CDH18: variants seen among roughly 807,000 people sequenced by gnomAD.
CDH18 encodes cadherin-18.
In CDH18, 31 loss-of-function variants were observed where a neutral mutation model predicts 67.9. That is an observed-to-expected ratio of 0.46 (90% CI 0.34 to 0.62). The LOEUF (loss-of-function observed/expected upper bound fraction) is 0.62. CDH18 is among the 20% of genes least tolerant of loss of function. The pLI is 0.01. For synonymous variants in CDH18, 362 were observed against 347.2 expected, an observed-to-expected ratio of 1.04 and a Z score of -0.48; for missense variants, 890 against 975.5, an observed-to-expected ratio of 0.91 and a Z score of 1.17.
intron 1 of CDH18, among the ~76,000 whole-genome samples, chr5:19,982,596 T>C (rs1004958925): frequency 6.6e-6 from 1 of 152,166 alleles, no homozygotes; most frequent in Non-Finnish European, 1.5e-5. Context: ...ACAAGTTGTA[T>C]ATAAGGGAAA....
At chr5:20,301,607 T>C (rs1451016005) in intron 1 of CDH18, among the ~76,000 whole-genome samples, 3 of 152,192 alleles carry the variant, frequency 2.0e-5, no homozygotes, top group South Asian at 2.1e-4. Flanking sequence ...CTTCAAAATG[T>C]ATTGTGCTTG....
At chr5:20,490,315 T>C (rs1046101152) in intron 1 of CDH18, among the ~76,000 whole-genome samples, 7 of 152,034 alleles carry the variant, frequency 4.6e-5, no homozygotes, top group Admixed American at 3.9e-4. Context: ...ATCCTTTCCT[T>C]TTTTCTAATA....
At chr5:19,738,723 G>A (rs1028678063) in intron 4 of CDH18, among the ~76,000 whole-genome samples, 1 of 152,112 alleles carries the variant, frequency 6.6e-6, no homozygotes, top group Non-Finnish European at 1.5e-5. Context: ...CATGTACTCT[G>A]GGGCCTACCA....
intron 12 of CDH18, among the ~76,000 whole-genome samples, chr5:19,482,338 G>A (rs908449120): frequency 6.6e-5 from 10 of 151,958 alleles, no homozygotes; most frequent in African/African-American, 2.2e-4. Context: ...GGATAGTCTC[G>A]ATCTCCTGAC....
At chr5:19,822,977 G>A (rs533499449) in intron 3 of CDH18, among the ~76,000 whole-genome samples, 5 of 152,252 alleles carry the variant, frequency 3.3e-5, no homozygotes, top group Admixed American at 2.0e-4. Context: ...CCTCAGGGAC[G>A]CATTCTCTTT....
intron 2 of CDH18, among the ~76,000 whole-genome samples, chr5:20,104,115 T>G (rs975625077): frequency 6.6e-6 from 1 of 150,812 alleles, no homozygotes; most frequent in Non-Finnish European, 1.5e-5. Context: ...GATTATATAT[T>G]TATAGATATA....
chr5:20,423,470 CTG>C (rs1377051316), intron 1 of CDH18, among the ~76,000 whole-genome samples: 1 of 150,982 alleles, frequency 6.6e-6, no homozygotes, highest in Non-Finnish European at 1.5e-5. Context: ...TGTGGAAAAA[CTG>C]TGTCTTGAAA....
In CDH18 at chr5:20,262,366, G is replaced by A. The variant is rs1381761729; in HGVS notation, c.-579-6861C>T. On this transcript the variant is annotated intron_variant, in intron 1 of 14. Coordinates refer to the CDH18 transcript ENST00000507958. ...TCTTCAATATGTTTTCACAATGTTG[G>A]AAGGGACTTGATAATGAGAACCTAA... Among the ~76,000 whole-genome samples, 5 of 152,316 alleles carry A rather than the reference G, an allele frequency of 3.3e-5. No homozygotes were observed. The East Asian group carries it at 7.7e-4, about 24-fold the overall frequency.
At chr5:20,311,665 G>A (rs1274169849) in intron 1 of CDH18, among the ~76,000 whole-genome samples, 1 of 152,026 alleles carries the variant, frequency 6.6e-6, no homozygotes, top group East Asian at 1.9e-4. Flanking sequence ...ACTACGAGAG[G>A]GATAGCATTA....
intron 1 of CDH18, among the ~76,000 whole-genome samples, chr5:20,536,522 G>A (rs1161160417): frequency 2.0e-4 from 30 of 152,118 alleles, no homozygotes; most frequent in Admixed American, 2.0e-3. Flanking sequence ...GGTGCTGTAG[G>A]CCTGAACGGT....
At chr5:20,184,863 A>G (rs1373200684) in intron 2 of CDH18, among the ~76,000 whole-genome samples, 3 of 152,022 alleles carry the variant, frequency 2.0e-5, no homozygotes, top group Admixed American at 6.6e-5. Context: ...TAGGTGTATA[A>G]TCTCCTACAA....
At chr5:19,545,924 A>C (rs1736239311) in intron 8 of CDH18, among the ~76,000 whole-genome samples, 1 of 152,196 alleles carries the variant, frequency 6.6e-6, no homozygotes, top group Non-Finnish European at 1.5e-5. Flanking sequence ...ATTATAAGAG[A>C]AAAGAAATAA....
intron 2 of CDH18, among the ~76,000 whole-genome samples, chr5:20,231,751 A>G (rs1211625525): frequency 1.3e-5 from 2 of 152,200 alleles, no homozygotes; most frequent in South Asian, 2.1e-4. Flanking sequence ...GGTAACAAAA[A>G]GATGTGTTCT....
intron 2 of CDH18, among the ~76,000 whole-genome samples, chr5:19,970,930 C>T (rs74531028): frequency 0.029 from 4,465 of 151,692 alleles, 245 homozygotes; most frequent in East Asian, 0.22. Context: ...CCATTGGAGA[C>T]GGAGTGATGC....
intron 3 of CDH18, among the ~76,000 whole-genome samples, chr5:19,812,008 T>G (rs1409414929): frequency 6.6e-6 from 1 of 152,274 alleles, no homozygotes; most frequent in East Asian, 1.9e-4. Context: ...CAAGAGTGAA[T>G]GTTTAAATGA....
intron 8 of CDH18, among the ~76,000 whole-genome samples, chr5:19,567,682 C>T (rs1315508836): frequency 6.6e-6 from 1 of 152,104 alleles, no homozygotes; most frequent in African/African-American, 2.4e-5. Flanking sequence ...CCCCAAACAG[C>T]AGCTATGGAG....
chr5:19,936,447 T>C (rs1019778520), intron 2 of CDH18, among the ~76,000 whole-genome samples: 7 of 151,286 alleles, frequency 4.6e-5, no homozygotes, highest in Non-Finnish European at 7.4e-5. Flanking sequence ...TTTTATGTTT[T>C]TAAACACTGT....
chr5:20,516,663 T>C (rs1361202739), intron 1 of CDH18, among the ~76,000 whole-genome samples: 2 of 151,932 alleles, frequency 1.3e-5, no homozygotes, highest in Non-Finnish European at 2.9e-5. Context: ...CTTTCTAATT[T>C]ATTATTTTTA....
chr5:19,918,277 C>T (rs969105607), intron 2 of CDH18, among the ~76,000 whole-genome samples: 5 of 152,134 alleles, frequency 3.3e-5, no homozygotes, highest in African/African-American at 7.2e-5. Flanking sequence ...CAAGTTAGTA[C>T]ACTTCAAGAT....
Sources: gnomAD v4.1 joint callset for allele counts (sites outside exome capture counted in the v4.1 genomes callset) on GRCh38, gnomAD v4.1.1 for gene constraint, MANE v1.5 for transcripts, NCBI Gene and HGNC (gene_info 2026-07-23, HGNC 2026-07-21) for gene names.